The following RAD52 variants were observed in gnomAD, a reference collection of about 807,000 sequenced individuals.
RAD52 encodes RAD52 DNA repair protein, also known as DNA repair protein RAD52 homolog.
Under a neutral mutation model 55.5 loss-of-function variants are expected in RAD52, and 47 were observed. That is an observed-to-expected ratio of 0.85 (90% CI 0.67 to 1.08). The LOEUF (loss-of-function observed/expected upper bound fraction) is 1.08, where lower values mean the gene tolerates loss of function less well. Among genes scored for constraint, RAD52 ranks in the 50% least tolerant of loss-of-function variants. The pLI is 0.00. For missense variants in RAD52, 468 were observed against 522.8 expected (o/e 0.90, Z 1.02); for synonymous variants, 184 against 198.9 (o/e 0.92, Z 0.63).
rs568486096 is a variant in RAD52 at position 916,528 on chromosome 12, C to T, written c.726-45G>A. ...CGAGGACGGGCTCCTGAGCAACAGC[C>T]GCGGCTGCTGGGAGGACACGCACGG... On this transcript the variant is annotated intron_variant, in intron 8 of 11. Transcript: ENST00000358495. 4 of 1,605,450 alleles carry T rather than the reference C, an allele frequency of 2.5e-6. No individual in the cohort carries two copies. In the South Asian group the frequency reaches 3.3e-5, roughly 13 times the overall value.
chr12:932,818 C>CGTCA (rs1565673025), intron 2 of RAD52, among the ~76,000 whole-genome samples, 157 bp downstream of exon 2: 8 of 68,468 alleles, frequency 1.2e-4, no homozygotes, highest in African/African-American at 3.0e-4. Context: ...ACTGCTCACA[C>CGTCA]ACGTACTAGG....
chr12:985,524 T>C (rs953763918), intron 1 of RAD52, among the ~76,000 whole-genome samples: 1 of 152,236 alleles, frequency 6.6e-6, no homozygotes, highest in South Asian at 2.1e-4. Flanking sequence ...TGAAGATTTA[T>C]ACCTATATTT....
chr12:918,910 T>C (rs1266255510), intron 7 of RAD52, among the ~76,000 whole-genome samples: 2 of 152,186 alleles, frequency 1.3e-5, no homozygotes, highest in African/African-American at 2.4e-5. Context: ...ATATGTTCTT[T>C]TTCATACTTC....
chr12:933,977 C>T lies in RAD52; in HGVS notation c.-18-901G>A, dbSNP rs145322992. 4.6e-3 allele frequency among the ~76,000 whole-genome samples: 697 copies of T among 151,684 alleles called. 10 individuals are homozygous for T. The highest frequency in any genetic ancestry group is 0.016 in the African/African-American group (658 of 41,346). On this transcript the variant is annotated intron_variant, in intron 1 of 11. Coordinates refer to ENST00000358495, the MANE Select transcript of RAD52 (RefSeq NM_134424.4). Reference sequence around the variant, plus strand: ...ACAAAAAATTTAAAAATTAGCCAGGCGTGGTGCTATGCTACTTAGGAGGCT... The same window carrying T: ...ACAAAAAATTTAAAAATTAGCCAGGTGTGGTGCTATGCTACTTAGGAGGCT...
intron 1 of RAD52, among the ~76,000 whole-genome samples, chr12:939,085 T>TGTGTGTGTGTGTAGAG (rs57206780): frequency 6.9e-6 from 1 of 144,650 alleles, no homozygotes; most frequent in Non-Finnish European, 1.5e-5. Flanking sequence ...TGTGTGTGTG[T>TGTGTGTGTGTGTAGAG]AGAGAGAGAG....
intron 1 of RAD52, among the ~76,000 whole-genome samples, chr12:944,389 G>A (rs1351042194): frequency 6.6e-6 from 1 of 151,586 alleles, no homozygotes; most frequent in African/African-American, 2.4e-5. Flanking sequence ...GGAGCATGCC[G>A]GCAGTCCCAG....
intron 1 of RAD52, among the ~76,000 whole-genome samples, chr12:981,567 G>A (rs532513698): frequency 1.3e-5 from 2 of 152,060 alleles, no homozygotes; most frequent in East Asian, 3.9e-4. Context: ...ACAGGGACAT[G>A]GGGACATGGG....
At chr12:913,523 G>A (rs753729876) in intron 11 of RAD52, 71 bp from the exon 12 acceptor site, 53 of 1,139,886 alleles carry the variant, frequency 4.6e-5, no homozygotes, top group Non-Finnish European at 6.4e-5. Context: ...ATGATTTCTG[G>A]ATTATATTAA....
At chr12:989,895 C>CCTGGGTAAATAGCCGGATGT (rs1470524038) in exon 1 of RAD52, 1 of 152,192 alleles carries the variant, frequency 6.6e-6, no homozygotes, top group Non-Finnish European at 1.5e-5. Context: ...GATGACTTTT[C>CCTGGGTAAATAGCCGGATGT]CTGGGTAAAT....
chr12:925,643 C>T (rs1056521568), intron 6 of RAD52, 118 bp from the exon 7 acceptor site: 16 of 740,056 alleles, frequency 2.2e-5, no homozygotes, highest in African/African-American at 2.1e-4. Flanking sequence ...GGAAGTGGAC[C>T]CTAACATGCA....
chr12:960,727 A>G (rs1219756165), intron 1 of RAD52, among the ~76,000 whole-genome samples: 1 of 152,280 alleles, frequency 6.6e-6, no homozygotes, highest in Admixed American at 6.5e-5. Flanking sequence ...TTAGCCTCCC[A>G]AAGTGTTGGG....
intron 1 of RAD52, among the ~76,000 whole-genome samples, chr12:982,588 G>T (rs879923298): frequency 6.7e-6 from 1 of 149,492 alleles, no homozygotes; most frequent in Non-Finnish European, 1.5e-5. Flanking sequence ...CCTAATTTCC[G>T]TCTGAGACCT....
intron 1 of RAD52, among the ~76,000 whole-genome samples, chr12:943,720 TTAGAG>T (rs1316987554): frequency 1.3e-5 from 2 of 152,084 alleles, no homozygotes; most frequent in Non-Finnish European, 2.9e-5. Context: ...ATTCATTTTC[TTAGAG>T]TAGTCTGTGA....
At chr12:934,087 G>A (rs1957480287) in intron 1 of RAD52, among the ~76,000 whole-genome samples, 1 of 145,982 alleles carries the variant, frequency 6.9e-6, no homozygotes, top group Non-Finnish European at 1.5e-5. Context: ...GGGTGACAGA[G>A]TGTCTGACTC....
chr12:937,639 T>A (rs1177896166), intron 1 of RAD52, among the ~76,000 whole-genome samples: 1 of 152,124 alleles, frequency 6.6e-6, no homozygotes, highest in Non-Finnish European at 1.5e-5. Context: ...TTGGCCAGGC[T>A]GCTCTCGAAC....
chr12:977,228 C>T (rs1958945525), intron 1 of RAD52: 1 of 152,268 alleles, frequency 6.6e-6, no homozygotes, highest in African/African-American at 2.4e-5. Flanking sequence ...CCGTCTCTTC[C>T]TCTTGTCCCT....
At chr12:938,100 G>T (rs1000443590) in intron 1 of RAD52, among the ~76,000 whole-genome samples, 1 of 152,128 alleles carries the variant, frequency 6.6e-6, no homozygotes. Context: ...AACTACTTGG[G>T]AATAAAAAGG....
chr12:933,162 A>C, intron 1 of RAD52, 86 bp from the exon 2 acceptor site: 1 of 982,494 alleles, frequency 1.0e-6, no homozygotes, highest in Non-Finnish European at 1.5e-6. Context: ...AAAATCACAT[A>C]AAGAATCCTT....
At chr12:913,663 G>A (rs751727010) in intron 11 of RAD52, among the ~76,000 whole-genome samples, 7 of 152,168 alleles carry the variant, frequency 4.6e-5, no homozygotes, top group Non-Finnish European at 4.4e-5. Context: ...CCATGCAGTC[G>A]TTTCCGCTTC....
Sources: allele counts gnomAD v4.1 joint callset (sites outside exome capture counted in the v4.1 genomes callset), GRCh38; gene constraint gnomAD v4.1.1; transcripts MANE v1.5; gene names NCBI Gene and HGNC (gene_info 2026-07-23, HGNC 2026-07-21).